TACC3: variants seen among roughly 807,000 people sequenced by gnomAD.
TACC3 encodes transforming acidic coiled-coil containing protein 3, also known as transforming acidic coiled-coil-containing protein 3.
TACC3 carries 52 observed loss-of-function variants against 86.0 expected under a neutral mutation model. That is an observed-to-expected ratio of 0.60 (90% confidence interval 0.48 to 0.76). TACC3 has a LOEUF of 0.76. Among genes scored for constraint, TACC3 ranks in the 30% least tolerant of loss-of-function variants. TACC3 has a pLI of 0.00. For missense variants in TACC3, 1,120 were observed against 1,070.4 expected (o/e 1.05, Z -0.65); for synonymous variants, 512 against 430.0 (o/e 1.19, Z -2.36).
intron 4 of TACC3, chr4:1,730,482 T>C (rs1717947940): frequency 2.7e-6 from 1 of 365,900 alleles, no homozygotes. Flanking sequence ...ATATTTATGA[T>C]ACTGGAACAG....
intron 13 of TACC3, 62 bp downstream of exon 13, chr4:1,741,048 G>C: frequency 1.3e-6 from 2 of 1,515,978 alleles, no homozygotes; most frequent in Non-Finnish European, 1.8e-6. Context: ...GTCCAAGCCA[G>C]CGGGGCTACA....
At chr4:1,744,432 G>A (rs1016258687) in intron 13 of TACC3, 86 bp from the exon 14 acceptor site, 12 of 1,273,562 alleles carry the variant, frequency 9.4e-6, no homozygotes, top group Middle Eastern at 2.2e-4. Context: ...AGACAGCCTC[G>A]AGGATCTGCA....
rs1718207479 is a variant in TACC3, at chr4:1,735,441, C to T, written c.1644+116C>T. On this transcript the variant is annotated intron_variant, in intron 7 of 15. Coordinates refer to ENST00000313288, the MANE Select transcript of TACC3 (RefSeq NM_006342.3). The surrounding 1 kb of genome is among the most constrained non-coding windows in gnomAD (Gnocchi z 4.2). The stretch of plus-strand genomic sequence containing the variant: ...CACGTCCCCCCAGCTGCACACAGGC[C>T]CAGGCATTGTGGCGGGCTGTGAATC... The T allele has an allele frequency of 9.0e-6, 11 of 1,222,392 alleles. No homozygotes were observed. The highest frequency in any genetic ancestry group is 5.9e-5 in the African/African-American group (4 of 67,254). The allele number at this position is 1,222,392 out of a possible 1,614,324, so 75.7% of individuals were successfully genotyped here. A position where few individuals can be genotyped will look rare whatever the true frequency, so the allele number is the denominator to read the frequency against.
At chr4:1,723,628 G>A in intron 2 of TACC3, 45 bp downstream of exon 2, 2 of 1,609,316 alleles carry the variant, frequency 1.2e-6, no homozygotes, top group African/African-American at 1.3e-5. Context: ...GTTGCCCTAG[G>A]GCCTGCTTTC....
chr4:1,730,644 G>A (rs1437455317), intron 4 of TACC3: 2 of 649,380 alleles, frequency 3.1e-6, no homozygotes, highest in Non-Finnish European at 5.7e-6. Context: ...TGACTTTAGA[G>A]CTCCCAGCCT....
intron 8 of TACC3, among the ~76,000 whole-genome samples, chr4:1,736,768 G>A (rs1006101180): frequency 6.6e-6 from 1 of 152,146 alleles, no homozygotes; most frequent in African/African-American, 2.4e-5. Flanking sequence ...AAATTAGCCG[G>A]GTGAGGCGGC....
Position 1,728,095 on chromosome 4 carries a change from A to G in TACC3, c.693A>G (p.Gly231=). 1 of 1,608,318 alleles carries G rather than the reference A, an allele frequency of 6.2e-7. No individual in the cohort carries two copies. The highest frequency in any genetic ancestry group is 1.7e-4 in the Middle Eastern group (1 of 6,028). ...AATGCAAAGCGGAGACTCCGCACGG[A>G]GCCGAGGAGGAATGCCGGCACGGTG... ...EEECKAETPH[G]AEEECRHGGV... is the part of the protein sequence containing the mutation. Residue 231 remains glycine, a synonymous_variant, in exon 4 of 16, where the codon GGA becomes GGG. Transcript: ENST00000313288.
Position 1,737,673 on chromosome 4 carries a change from CA to C in TACC3, c.1913del (p.Gln638ArgfsTer11), listed in dbSNP as rs1718352820. On this transcript the variant is annotated frameshift_variant, in exon 10 of 16. Coordinates refer to ENST00000313288, the MANE Select transcript of TACC3 (RefSeq NM_006342.3). LOFTEE classifies it high-confidence loss of function. ...LSTGPIVDLL[Q>X]YSQKDLDAVV... ...CACCGGACCTATAGTGGACCTGCTCCAGTACAGCCAGAAGGACCTGGATGCA... is the reference window on the plus strand; with the variant it reads ...CACCGGACCTATAGTGGACCTGCTCCGTACAGCCAGAAGGACCTGGATGCA... 1.9e-6 allele frequency: 3 copies of C among 1,550,716 alleles called. No homozygotes were observed. The Admixed American group carries it at 5.9e-5, about 30-fold the overall frequency.
intron 8 of TACC3, among the ~76,000 whole-genome samples, chr4:1,736,892 A>G (rs532446016): frequency 4.9e-4 from 74 of 151,950 alleles, no homozygotes; most frequent in African/African-American, 1.7e-3. Flanking sequence ...TCTGGGTGAC[A>G]GAGTGAGACC....
chr4:1,742,025 G>A (rs1433970931), intron 13 of TACC3: 1 of 152,120 alleles, frequency 6.6e-6, no homozygotes, highest in Non-Finnish European at 1.5e-5. Flanking sequence ...AGCCCGGGAG[G>A]TCGAAGCTGC....
In TACC3 at chr4:1,737,395, C is replaced by T. The variant is rs537411906; in HGVS notation, c.1836+67C>T. On this transcript the variant is annotated intron_variant, in intron 9 of 15. Transcript: ENST00000313288. ...TGAGGGAACGAGTTGTTTTAAGGGC[C>T]TATATTTTCTATTCCTGGGGGTCTG... is the stretch of plus-strand genomic sequence containing the variant. 3.0e-5 allele frequency: 43 copies of T among 1,452,608 alleles called. No homozygotes were observed. The African/African-American group carries it at 4.0e-4, about 14-fold the overall frequency. The allele number at this position is 1,452,608 out of a possible 1,614,324, so 90.0% of individuals were successfully genotyped here.
chr4:1,727,418 C>T (rs1717741703), intron 3 of TACC3, among the ~76,000 whole-genome samples: 1 of 152,194 alleles, frequency 6.6e-6, no homozygotes, highest in African/African-American at 2.4e-5. Context: ...AACAGGCAAG[C>T]AGCCCAGAGG....
intron 6 of TACC3, among the ~76,000 whole-genome samples, chr4:1,733,551 C>G (rs908431627): frequency 6.6e-5 from 10 of 151,790 alleles, no homozygotes; most frequent in African/African-American, 2.2e-4. Context: ...CCCAGCTGCT[C>G]GGGAAGCTGA....
upstream of TACC3, chr4:1,720,789 C>G: frequency 6.3e-7 from 1 of 1,595,294 alleles, no homozygotes. The surrounding 1 kb of genome is among the most constrained non-coding windows in gnomAD (Gnocchi z 4.4). Context: ...ACGAAGCACA[C>G]GGCGAACACC....
chr4:1,721,013 T>G, upstream of TACC3: 4 of 221,888 alleles, frequency 1.8e-5, no homozygotes, highest in Non-Finnish European at 2.6e-5. Flanking sequence ...GGACATGGAG[T>G]CCCGCCGCCC....
chr4:1,735,310 G>A lies in TACC3; in HGVS notation c.1629G>A (p.Gln543=). ...GTGAEVDYLE[Q]FGTSSFKESA... ...GCGCGGAGGTGGATTACCTGGAGCA[G>A]TTTGGAACTTCCTCGGTAGGTACCA... Residue 543 remains glutamine (Q), a synonymous_variant, in exon 7 of 16, where the codon CAG becomes CAA. Coordinates refer to ENST00000313288, the MANE Select transcript of TACC3 (RefSeq NM_006342.3). The surrounding 1 kb of genome is among the most constrained non-coding windows in gnomAD (Gnocchi z 4.2). The A allele has an allele frequency of 6.2e-7, 1 of 1,613,954 alleles. No homozygotes were observed. Among genetic ancestry groups the A allele is most frequent in the Non-Finnish European group, 8.5e-7 (1 of 1,180,026 alleles).
chr4:1,720,867 G>C (rs758727950), upstream of TACC3: 1 of 1,549,660 alleles, frequency 6.5e-7, no homozygotes. The surrounding 1 kb of genome is among the most constrained non-coding windows in gnomAD (Gnocchi z 4.4). Context: ...TGTCGAGCTA[G>C]GCCCCCGCCC....
At position 1,727,816 on chromosome 4, in the gene TACC3, T is replaced by C. The variant is rs990294734; in HGVS notation, c.414T>C (p.Ser138=). The change falls in exon 4 of 16, where the codon AGT becomes AGC. Residue 138 remains serine (S), a synonymous_variant. Transcript: ENST00000313288. ...LLGDASPAFG[S]GSSSESGPGA... The stretch of plus-strand genomic sequence containing the variant: ...GGGATGCAAGCCCAGCCTTTGGGAG[T>C]GGCAGCTCCAGCGAGTCTGGCCCAG... The C allele has an allele frequency of 7.4e-6, 12 of 1,612,814 alleles. No individual in the cohort carries two copies. The highest frequency in any genetic ancestry group is 1.0e-5 in the Non-Finnish European group (12 of 1,179,970).
chr4:1,729,686 C>T (rs189675156), intron 4 of TACC3, among the ~76,000 whole-genome samples: 34 of 152,308 alleles, frequency 2.2e-4, no homozygotes, highest in Non-Finnish European at 3.7e-4. Flanking sequence ...GGACCAGGAG[C>T]GTGACTGCTG....
Sources: gnomAD v4.1 joint callset for allele counts (sites outside exome capture counted in the v4.1 genomes callset) on GRCh38, gnomAD v4.1.1 for gene constraint, Gnocchi (gnomAD v3.1) non-coding constraint, MANE v1.5 for transcripts, NCBI Gene and HGNC (gene_info 2026-07-23, HGNC 2026-07-21) for gene names.